The following CCSER1 variants were observed in gnomAD, a reference collection of about 807,000 sequenced individuals.
CCSER1 encodes coiled-coil serine rich protein 1.
CCSER1 carries 41 observed loss-of-function variants against 82.0 expected under a neutral mutation model. The ratio of observed to expected loss-of-function variants is 0.50; its 90% confidence interval spans 0.39 to 0.65. The LOEUF (loss-of-function observed/expected upper bound fraction) is 0.65, where lower values mean the gene tolerates loss of function less well. Among genes scored for constraint, CCSER1 ranks in the 30% least tolerant of loss-of-function variants. CCSER1 has a pLI of 0.00. For synonymous variants in CCSER1, 414 were observed against 383.9 expected (o/e 1.08, Z -0.92); for missense variants, 1,119 against 1,064.2 (o/e 1.05, Z -0.72).
At chr4:91,119,475 A>C (rs895646843) in intron 10 of CCSER1, among the ~76,000 whole-genome samples, 69 of 152,150 alleles carry the variant, frequency 4.5e-4, no homozygotes, top group African/African-American at 1.7e-3. Flanking sequence ...AGATTCTCAT[A>C]ACTTCTATAT....
chr4:90,289,500 G>C (rs190839993), intron 1 of CCSER1, among the ~76,000 whole-genome samples: 2 of 151,938 alleles, frequency 1.3e-5, no homozygotes, highest in Admixed American at 1.3e-4. Flanking sequence ...CTTTCACATG[G>C]AATATAAGAG....
At chr4:91,070,750 G>A (rs932612020) in intron 9 of CCSER1, among the ~76,000 whole-genome samples, 5 of 152,148 alleles carry the variant, frequency 3.3e-5, no homozygotes, top group African/African-American at 1.2e-4. Context: ...ACCCCCAGCG[G>A]TGGAAAAAAT....
At chr4:90,862,885 A>G (rs1371185477) in intron 8 of CCSER1, among the ~76,000 whole-genome samples, 1 of 148,938 alleles carries the variant, frequency 6.7e-6, no homozygotes, top group South Asian at 2.1e-4. Flanking sequence ...GAAGCACACT[A>G]CAGGAGCACA....
intron 5 of CCSER1, among the ~76,000 whole-genome samples, chr4:90,618,008 G>A (rs905083271): frequency 2.0e-5 from 3 of 151,902 alleles, no homozygotes; most frequent in African/African-American, 7.2e-5. Context: ...TCCTTGACTT[G>A]GTGTAATATG....
chr4:91,193,147 C>T (rs986154071), intron 10 of CCSER1, among the ~76,000 whole-genome samples: 1 of 152,020 alleles, frequency 6.6e-6, no homozygotes, highest in Non-Finnish European at 1.5e-5. Context: ...TAAAACAGAG[C>T]CTTTTACCTC....
At chr4:90,420,368 G>A (rs1057090472) in intron 4 of CCSER1, among the ~76,000 whole-genome samples, 1 of 151,990 alleles carries the variant, frequency 6.6e-6, no homozygotes, top group Non-Finnish European at 1.5e-5. Context: ...AGAAGTAGAA[G>A]CTCCTCCTAC....
rs564777483 is a variant in CCSER1 at position 90,563,905 on chromosome 4, G to C, written c.1725-64120G>C. Among the ~76,000 whole-genome samples, 10 of 152,242 alleles carry C rather than the reference G, an allele frequency of 6.6e-5. No individual in the cohort carries two copies. In the East Asian group the frequency reaches 1.7e-3, roughly 27 times the overall value. ...ATACTAAGTTACATTCCTACCAACA[G>C]TGTGCTAGCGTTGCCTTTTCTCTAC... On this transcript the variant is annotated intron_variant, in intron 5 of 10. Transcript: ENST00000509176.
intron 1 of CCSER1, among the ~76,000 whole-genome samples, chr4:90,215,459 T>C (rs1383326280): frequency 3.9e-5 from 6 of 152,184 alleles, no homozygotes; most frequent in Admixed American, 3.9e-4. Flanking sequence ...TTTAGTATAG[T>C]AGCAAGTTTA....
chr4:90,218,361 T>A (rs1206108883), intron 1 of CCSER1, among the ~76,000 whole-genome samples: 4 of 152,168 alleles, frequency 2.6e-5, no homozygotes, highest in Non-Finnish European at 5.9e-5. Context: ...TATTGAGTAC[T>A]ATGTTCAGCA....
intron 10 of CCSER1, among the ~76,000 whole-genome samples, chr4:91,273,579 G>A (rs571097519): frequency 3.3e-5 from 5 of 152,168 alleles, no homozygotes; most frequent in Non-Finnish European, 4.4e-5. Context: ...CCTCTTTACC[G>A]ATTTGAATGC....
chr4:91,176,826 G>A (rs917262671), intron 10 of CCSER1, among the ~76,000 whole-genome samples: 55 of 152,252 alleles, frequency 3.6e-4, no homozygotes, highest in African/African-American at 1.3e-3. Flanking sequence ...TCTCCTGCCT[G>A]ATTGCCCTGG....
At chr4:90,396,031 A>T (rs896047900) in intron 3 of CCSER1, among the ~76,000 whole-genome samples, 2 of 152,182 alleles carry the variant, frequency 1.3e-5, no homozygotes, top group African/African-American at 2.4e-5. Context: ...CAGTGAGCCA[A>T]GATCGCACCC....
intron 6 of CCSER1, among the ~76,000 whole-genome samples, chr4:90,699,591 GT>G (rs1468519593): frequency 6.6e-6 from 1 of 152,126 alleles, no homozygotes; most frequent in East Asian, 1.9e-4. Flanking sequence ...CTATTCAGAA[GT>G]TTTCAGTTTA....
intron 3 of CCSER1, among the ~76,000 whole-genome samples, chr4:90,366,720 A>G (rs1746353015): frequency 6.6e-6 from 1 of 151,760 alleles, no homozygotes; most frequent in Non-Finnish European, 1.5e-5. Context: ...TTGGGTTTTT[A>G]GTATACCCAG....
rs577995366 is a variant in CCSER1, at chr4:91,518,680, G to A, written c.2218-79892G>A. Among the ~76,000 whole-genome samples the A allele has an allele frequency of 2.6e-5, 4 of 152,292 alleles. No homozygotes were observed. In the South Asian group the frequency reaches 8.3e-4, roughly 32 times the overall value. ...CTCTATATAGTGGCTATTATGTGCT[G>A]TAAGTTCAGGTGAAGACCTCAGACT... On this transcript the variant is annotated intron_variant, in intron 10 of 10. Transcript: ENST00000509176.
intron 8 of CCSER1, among the ~76,000 whole-genome samples, chr4:90,841,490 A>G (rs1762562281): frequency 6.7e-6 from 1 of 149,498 alleles, no homozygotes; most frequent in Non-Finnish European, 1.5e-5. Context: ...AGGCAGGAGA[A>G]TGGCTTGAAC....
At chr4:90,200,665 G>A (rs980915766) in intron 1 of CCSER1, among the ~76,000 whole-genome samples, 5 of 151,766 alleles carry the variant, frequency 3.3e-5, no homozygotes, top group Admixed American at 6.6e-5. Context: ...ATTTGACTTG[G>A]CAAGGGTTTT....
At chr4:90,337,528 A>G (rs913178667) in intron 3 of CCSER1, among the ~76,000 whole-genome samples, 1 of 152,142 alleles carries the variant, frequency 6.6e-6, no homozygotes, top group African/African-American at 2.4e-5. Context: ...TTAAAGTTAG[A>G]CATTATTATT....
intron 10 of CCSER1, among the ~76,000 whole-genome samples, chr4:91,260,728 T>C (rs1167974708): frequency 1.3e-5 from 2 of 152,064 alleles, no homozygotes; most frequent in Non-Finnish European, 2.9e-5. Flanking sequence ...TTAGAACCAC[T>C]TACCTAGGAA....
Sources: gnomAD v4.1 joint callset for allele counts (sites outside exome capture counted in the v4.1 genomes callset) on GRCh38, gnomAD v4.1.1 for gene constraint, MANE v1.5 for transcripts, NCBI Gene and HGNC (gene_info 2026-07-23, HGNC 2026-07-21) for gene names.